Variants in TANC2 observed in about 807,000 individuals in gnomAD.
TANC2 encodes the protein protein TANC2.
Under a neutral mutation model 210.5 loss-of-function variants are expected in TANC2, and 26 were observed. The ratio of observed to expected loss-of-function variants is 0.12; its 90% CI spans 0.09 to 0.17. The LOEUF (loss-of-function observed/expected upper bound fraction) is 0.17, where lower values mean the gene tolerates loss of function less well. Ranked by LOEUF, TANC2 falls within the 10% of genes least tolerant of loss-of-function variation. The pLI is 1.00. For synonymous variants in TANC2, 931 were observed against 967.1 expected (o/e 0.96, Z 0.69); for missense variants, 2,129 against 2,608.9 (o/e 0.82, Z 4.01).
At chr17:63,264,567 C>T (rs1260892356) in intron 8 of TANC2, among the ~76,000 whole-genome samples, 1 of 152,052 alleles carries the variant, frequency 6.6e-6, no homozygotes, top group African/African-American at 2.4e-5. Context: ...GGATTGAAAG[C>T]TTCATTGTAA....
intron 2 of TANC2, among the ~76,000 whole-genome samples, chr17:63,011,860 A>G (rs554395116): frequency 1.3e-5 from 2 of 151,502 alleles, no homozygotes; most frequent in African/African-American, 4.8e-5. Context: ...TTTTATTCAG[A>G]CATTTTTTTT....
chr17:63,258,598 G>A (rs944453328), intron 8 of TANC2, among the ~76,000 whole-genome samples: 4 of 152,060 alleles, frequency 2.6e-5, no homozygotes, highest in Non-Finnish European at 4.4e-5. Flanking sequence ...ACCTTCCATC[G>A]TGTAGAAGGA....
At position 63,212,722 on chromosome 17, in the gene TANC2, G is replaced by A. The variant is rs188579689; in HGVS notation, c.769+11765G>A. Among the ~76,000 whole-genome samples the A allele has an allele frequency of 3.8e-4, 58 of 152,228 alleles. No homozygotes were observed. In the East Asian group the frequency reaches 9.8e-3, roughly 26 times the overall value. ...GCTGGGATTATAGGCATGAGCCACC[G>A]TGCCCGACCCTCTTTGCTTTTAAAA... On this transcript the variant is annotated intron_variant, in intron 7 of 27. Coordinates refer to ENST00000689528, the Ensembl canonical transcript of TANC2.
intron 2 of TANC2, among the ~76,000 whole-genome samples, chr17:63,043,001 C>T (rs963375714): frequency 1.3e-5 from 2 of 151,974 alleles, no homozygotes; most frequent in African/African-American, 4.8e-5. Context: ...TATTGAAGAC[C>T]TGTTCATAAA....
chr17:63,073,072 G>C (rs239362), intron 2 of TANC2, among the ~76,000 whole-genome samples: 27 of 152,020 alleles, frequency 1.8e-4, no homozygotes, highest in African/African-American at 5.8e-4. Context: ...ATGAAAGAAC[G>C]AACAAAGGAA....
chr17:62,990,269 G>T (rs535788692), intron 1 of TANC2, among the ~76,000 whole-genome samples: 1 of 151,872 alleles, frequency 6.6e-6, no homozygotes, highest in African/African-American at 2.4e-5. Flanking sequence ...TAGGAGGAGA[G>T]GACACTGAAA....
At chr17:62,968,340 CATT>C (rs1412351319) in intron 1 of TANC2, among the ~76,000 whole-genome samples, 2 of 152,206 alleles carry the variant, frequency 1.3e-5, no homozygotes, top group Non-Finnish European at 1.5e-5. Flanking sequence ...ATGCTGTTCT[CATT>C]ATAGTAATTT....
At chr17:63,363,463 T>C (rs1306333675) in intron 14 of TANC2, among the ~76,000 whole-genome samples, 1 of 152,188 alleles carries the variant, frequency 6.6e-6, no homozygotes, top group Non-Finnish European at 1.5e-5. Context: ...GTTTCCCTAA[T>C]ATTTTCTTTT....
intron 12 of TANC2, among the ~76,000 whole-genome samples, chr17:63,346,197 C>A (rs1012631742): frequency 6.6e-6 from 1 of 152,158 alleles, no homozygotes; most frequent in African/African-American, 2.4e-5. Flanking sequence ...AATATCTTCA[C>A]AAACTTGGAA....
chr17:63,276,408 T>C (rs1198888088), intron 9 of TANC2, among the ~76,000 whole-genome samples: 2 of 152,076 alleles, frequency 1.3e-5, no homozygotes, highest in South Asian at 2.1e-4. Flanking sequence ...CTTTACTGTT[T>C]TATGTTTTCT....
chr17:63,124,677 C>T (rs1172367433), intron 4 of TANC2, among the ~76,000 whole-genome samples: 1 of 152,184 alleles, frequency 6.6e-6, no homozygotes, highest in Admixed American at 6.5e-5. Context: ...GCTCAGGCTG[C>T]AGACTAGTAC....
At chr17:63,132,662 A>G (rs908918128) in intron 4 of TANC2, among the ~76,000 whole-genome samples, 1 of 152,142 alleles carries the variant, frequency 6.6e-6, no homozygotes, top group African/African-American at 2.4e-5. Flanking sequence ...CCAGGGTTTT[A>G]GGGAGATTGA....
At chr17:63,375,161 A>C (rs1267368161) in intron 14 of TANC2, among the ~76,000 whole-genome samples, 1 of 152,202 alleles carries the variant, frequency 6.6e-6, no homozygotes, top group African/African-American at 2.4e-5. Context: ...TAGAATGTAC[A>C]TTGCTGTTTC....
At chr17:63,268,882 A>G (rs1281929088) in intron 9 of TANC2, among the ~76,000 whole-genome samples, 1 of 152,132 alleles carries the variant, frequency 6.6e-6, no homozygotes, top group Non-Finnish European at 1.5e-5. Flanking sequence ...AAATGAACCA[A>G]ACTGTCTCTG....
chr17:63,416,808 G>A (rs1163519494), intron 26 of TANC2, among the ~76,000 whole-genome samples: 2 of 152,236 alleles, frequency 1.3e-5, no homozygotes, highest in Non-Finnish European at 2.9e-5. Flanking sequence ...GGGAAGTGGG[G>A]ATGTGGAAGA....
chr17:63,412,048 T>G lies in TANC2; in HGVS notation c.3816T>G (p.Ser1272Arg), dbSNP rs1416971626. ...CCATGATCGAGCACGTTGACTACAG[T>G]GGAATGCGCCCTTTGGATAGGGCAG... The change falls in exon 23 of 28, where the codon AGT becomes AGG. Residue 1272 changes from serine to arginine, a missense_variant. By Grantham distance (110) the Ser-to-Arg change is moderately radical (BLOSUM62 -1). Around this residue, in one of 5 missense-constraint regions of TANC2, gnomAD observed 644 missense variants for 937.5 expected, o/e 0.69. Transcript: ENST00000689528. This position sits in a 1 kb window ranked among gnomAD's most constrained non-coding sequence, Gnocchi z 4.2. 6.2e-7 allele frequency: 1 copy of G among 1,613,804 alleles called. No homozygotes were observed. Among genetic ancestry groups the G allele is most frequent in the Admixed American group, 1.7e-5 (1 of 60,014 alleles).
chr17:63,264,487 A>G (rs1016523752), intron 8 of TANC2, among the ~76,000 whole-genome samples: 11 of 152,142 alleles, frequency 7.2e-5, no homozygotes, highest in Non-Finnish European at 1.3e-4. Context: ...TGCCAGTATC[A>G]CCAGAGTGTT....
intron 3 of TANC2, among the ~76,000 whole-genome samples, chr17:63,079,644 A>G (rs1239409934): frequency 1.3e-5 from 2 of 152,202 alleles, no homozygotes; most frequent in Admixed American, 6.5e-5. Context: ...TGATCCCCAT[A>G]TAGGTGCATA....
At chr17:63,138,082 T>A (rs1446699485) in intron 4 of TANC2, among the ~76,000 whole-genome samples, 1 of 152,180 alleles carries the variant, frequency 6.6e-6, no homozygotes, top group Non-Finnish European at 1.5e-5. Context: ...TTGGAAACAA[T>A]GTGTTCCAGT....
Sources: gnomAD v4.1 joint callset for allele counts (sites outside exome capture counted in the v4.1 genomes callset) on GRCh38, gnomAD v4.1.1 for gene constraint, gnomAD v4.1.1 regional missense constraint, Gnocchi (gnomAD v3.1) non-coding constraint, MANE v1.5 for transcripts, NCBI Gene and HGNC (gene_info 2026-07-23, HGNC 2026-07-21) for gene names.